The following RIMKLA variants were observed in gnomAD, a reference collection of about 807,000 sequenced individuals.
The protein encoded by RIMKLA is ribosomal modification protein rimK like family member A, also known as N-acetylaspartylglutamate synthase A.
A neutral mutation model predicts 32.7 loss-of-function variants in RIMKLA; 14 were observed. The ratio of observed to expected loss-of-function variants is 0.43; its 90% CI spans 0.28 to 0.67. The LOEUF (loss-of-function observed/expected upper bound fraction) is 0.67, where lower values mean the gene tolerates loss of function less well. Among genes scored for constraint, RIMKLA ranks in the 30% least tolerant of loss-of-function variants. The probability of loss-of-function intolerance (pLI) is 0.18; values close to 1 mark genes in which losing one functional copy is unlikely to be tolerated. For synonymous variants in RIMKLA, 176 were observed against 204.1 expected (o/e 0.86, Z 1.18); for missense variants, 410 against 519.0 (o/e 0.79, Z 2.04).
At chr1:42,413,528 A>G (rs1643219698) in intron 4 of RIMKLA, among the ~76,000 whole-genome samples, 1 of 151,336 alleles carries the variant, frequency 6.6e-6, no homozygotes, top group Non-Finnish European at 1.5e-5. Flanking sequence ...AAAAAAAGAA[A>G]GAAAAAAGAA....
chr1:42,401,806 T>C (rs1246111468), intron 2 of RIMKLA, among the ~76,000 whole-genome samples: 2 of 152,188 alleles, frequency 1.3e-5, no homozygotes, highest in Non-Finnish European at 2.9e-5. Context: ...GAATAGGGAC[T>C]CTTATTTGCT....
intron 4 of RIMKLA, among the ~76,000 whole-genome samples, chr1:42,413,228 G>C (rs914539193): frequency 6.6e-6 from 1 of 151,874 alleles, no homozygotes; most frequent in South Asian, 2.1e-4. Context: ...ATGGCCGGGC[G>C]CAGTGGCTCA....
At chr1:42,402,871 C>T (rs1174273857) in intron 2 of RIMKLA, among the ~76,000 whole-genome samples, 1 of 152,152 alleles carries the variant, frequency 6.6e-6, no homozygotes, top group Non-Finnish European at 1.5e-5. Context: ...GGATTCCAGG[C>T]ATGAGCCACC....
At chr1:42,395,495 G>C (rs1240245529) in intron 1 of RIMKLA, among the ~76,000 whole-genome samples, 1 of 151,880 alleles carries the variant, frequency 6.6e-6, no homozygotes, top group Non-Finnish European at 1.5e-5. Context: ...ATACCCAAGA[G>C]CACTAGGGTA....
rs1024289764 is a variant in RIMKLA at position 42,404,651 on chromosome 1, C to T, written c.481+54C>T. 5 of 1,154,050 alleles carry T rather than the reference C, an allele frequency of 4.3e-6. No homozygotes were observed. The African/African-American group carries it at 4.5e-5, about 10-fold the overall frequency. The allele number at this position is 1,154,050 out of a possible 1,614,324, so 71.5% of individuals were successfully genotyped here. Reference sequence around the variant, plus strand: ...GGTAATCAGCCCACTAGGGCTGCTGCTCTGCCTGGACAAGACACTCCTCAA... The same window carrying T: ...GGTAATCAGCCCACTAGGGCTGCTGTTCTGCCTGGACAAGACACTCCTCAA... On this transcript the variant is annotated intron_variant, in intron 3 of 4. Coordinates refer to ENST00000431473, the MANE Select transcript of RIMKLA (RefSeq NM_173642.4).
At chr1:42,394,759 G>A (rs184153851) in intron 1 of RIMKLA, among the ~76,000 whole-genome samples, 24 of 150,032 alleles carry the variant, frequency 1.6e-4, no homozygotes, top group African/African-American at 5.2e-4. Flanking sequence ...TTTTTGAGAC[G>A]GAGTTTCGCT....
chr1:42,381,004 C>A lies in RIMKLA; in HGVS notation c.70C>A (p.Arg24Ser), dbSNP rs1642881997. ...GGACTACCCGCAGGTGCAGATCCTGCGCGCCCTCCGGCAGCGCTGCTCCGA... is the reference window on the plus strand; with the variant it reads ...GGACTACCCGCAGGTGCAGATCCTGAGCGCCCTCCGGCAGCGCTGCTCCGA... ...REDYPQVQIL[R>S]ALRQRCSEQD... Residue 24 changes from arginine to serine, a missense_variant, in exon 1 of 5, where the codon CGC becomes AGC. Physicochemically the swap from Arg to Ser is moderately radical, Grantham distance 110. Coordinates refer to ENST00000431473, the MANE Select transcript of RIMKLA (RefSeq NM_173642.4). 2 of 1,437,734 alleles carry A rather than the reference C, an allele frequency of 1.4e-6. No homozygotes were observed. The highest frequency in any genetic ancestry group is 1.8e-6 in the Non-Finnish European group (2 of 1,094,744). The allele number at this position is 1,437,734 out of a possible 1,614,324, so 89.1% of individuals were successfully genotyped here. A position where few individuals can be genotyped will look rare whatever the true frequency, so the allele number is the denominator to read the frequency against.
chr1:42,397,547 A>T (rs140798496), intron 1 of RIMKLA, among the ~76,000 whole-genome samples: 1 of 152,210 alleles, frequency 6.6e-6, no homozygotes, highest in East Asian at 1.9e-4. Context: ...ACATAGCAAG[A>T]CTACATCTCC....
rs529119974 is a variant in RIMKLA, at chr1:42,403,180, T to C, written c.395-1331T>C. 5.2e-5 allele frequency among the ~76,000 whole-genome samples: 7 copies of C among 134,208 alleles called. No homozygotes were observed. The East Asian group carries it at 8.0e-4, about 15-fold the overall frequency. 88.0% of individuals were successfully genotyped at this position (134,208 alleles called of 152,430 possible). ...TGAATGGGAAAGCCCTCCAGACTTA[T>C]CTGGAACTTAGTTTCCCCTGTGCTA... is the stretch of plus-strand genomic sequence containing the variant. On this transcript the variant is annotated intron_variant, in intron 2 of 4. Transcript: ENST00000431473.
chr1:42,385,715 TTC>T (rs1319070528), intron 1 of RIMKLA, among the ~76,000 whole-genome samples: 6 of 141,392 alleles, frequency 4.2e-5, no homozygotes, highest in Admixed American at 3.6e-4. Flanking sequence ...TTTTCTTTCC[TTC>T]TCTTTCTTTC....
At chr1:42,414,401 T>C in intron 4 of RIMKLA, 83 bp from the exon 5 acceptor site, 15 of 1,435,870 alleles carry the variant, frequency 1.0e-5, no homozygotes, top group Non-Finnish European at 1.4e-5. Flanking sequence ...TTTCTGCCCC[T>C]CCTGGGCAGA....
Position 42,417,358 on chromosome 1 carries a change from A to G in RIMKLA, c.*2384A>G, listed in dbSNP as rs149461146. On this transcript the variant is annotated 3_prime_UTR_variant, in exon 5 of 5. Coordinates refer to ENST00000431473, the MANE Select transcript of RIMKLA (RefSeq NM_173642.4). ...AACCAGCCCCAATCCAGGATTTCCC[A>G]TACCATGCTGGCTGTGGGCTCTGTG... The G allele has an allele frequency of 6.6e-6, 1 of 152,376 alleles. No homozygotes were observed. Among genetic ancestry groups the G allele is most frequent in the Non-Finnish European group, 1.5e-5 (1 of 68,078 alleles). The allele number at this position is 152,376 out of a possible 1,614,324, so 9.4% of individuals were successfully genotyped here. A position where few individuals can be genotyped will look rare whatever the true frequency, so the allele number is the denominator to read the frequency against.
Position 42,381,045 on chromosome 1 carries a change from C to A in RIMKLA, c.111C>A (p.Phe37Leu). Reference sequence around the variant, plus strand: ...GCTGCTCCGAGCAGGACGTGCGCTTCCGGGCGGTGCTTATGGACCAGATCG... The same window carrying A: ...GCTGCTCCGAGCAGGACGTGCGCTTACGGGCGGTGCTTATGGACCAGATCG... ...RQRCSEQDVR[F>L]RAVLMDQIAV... Residue 37 changes from phenylalanine (F) to leucine (L), a missense_variant, in exon 1 of 5, where the codon TTC becomes TTA. Phe to Leu is a conservative substitution (Grantham distance 22, BLOSUM62 0). Transcript: ENST00000431473. 1 of 1,332,322 alleles carries A rather than the reference C, an allele frequency of 7.5e-7. No homozygotes were observed. Among genetic ancestry groups the A allele is most frequent in the Non-Finnish European group, 9.6e-7 (1 of 1,038,682 alleles). 82.5% of individuals were successfully genotyped at this position (1,332,322 alleles called of 1,614,324 possible).
In RIMKLA at chr1:42,381,027, C is replaced by T. The variant is rs753165000; in HGVS notation, c.93C>T (p.Ser31=). 7.3e-6 allele frequency: 10 copies of T among 1,378,840 alleles called. No individual in the cohort carries two copies. Among genetic ancestry groups the T allele is most frequent in the Non-Finnish European group, 9.4e-6 (10 of 1,066,550 alleles). The allele number at this position is 1,378,840 out of a possible 1,614,324, so 85.4% of individuals were successfully genotyped here. ...TGCGCGCCCTCCGGCAGCGCTGCTCCGAGCAGGACGTGCGCTTCCGGGCGG... is the reference window on the plus strand; with the variant it reads ...TGCGCGCCCTCCGGCAGCGCTGCTCTGAGCAGGACGTGCGCTTCCGGGCGG... ...QILRALRQRC[S]EQDVRFRAVL... Residue 31 remains serine (S), a synonymous_variant, in exon 1 of 5, where the codon TCC becomes TCT. Transcript: ENST00000431473.
intron 1 of RIMKLA, among the ~76,000 whole-genome samples, chr1:42,394,044 C>T (rs566806164): frequency 7.1e-4 from 108 of 152,334 alleles, no homozygotes; most frequent in African/African-American, 2.4e-3. Context: ...CTCGGCCTTC[C>T]GAAGTGCTGG....
chr1:42,385,286 G>A (rs1642926439), intron 1 of RIMKLA, among the ~76,000 whole-genome samples: 1 of 152,146 alleles, frequency 6.6e-6, no homozygotes, highest in African/African-American at 2.4e-5. Context: ...GTGTAAATGA[G>A]GACAGATTCA....
Position 42,385,775 on chromosome 1 carries a change from CTTTG to C in RIMKLA, c.163+4690_163+4693del, listed in dbSNP as rs1280215808. 1.5e-3 allele frequency among the ~76,000 whole-genome samples: 83 copies of C among 55,344 alleles called. 2 individuals carry two copies. The highest frequency in any genetic ancestry group is 1.5e-3 in the African/African-American group (16 of 10,928). The allele number at this position is 55,344 out of a possible 152,430, so 36.3% of individuals were successfully genotyped here. A position where few individuals can be genotyped will look rare whatever the true frequency, so the allele number is the denominator to read the frequency against. ...TCTTTCTTTCTTTCTTTCTTTGTTT[CTTTG>C]TTTGTTTGTTTCTTTCTTTCTCTCT... On this transcript the variant is annotated intron_variant, in intron 1 of 4. Coordinates refer to ENST00000431473, the MANE Select transcript of RIMKLA (RefSeq NM_173642.4).
chr1:42,382,611 A>T (rs1207239983), intron 1 of RIMKLA, among the ~76,000 whole-genome samples: 1 of 152,244 alleles, frequency 6.6e-6, no homozygotes, highest in Non-Finnish European at 1.5e-5. Flanking sequence ...GTTTGTAAAG[A>T]TGTCTCTTTT....
chr1:42,390,000 T>A (rs903296205), intron 1 of RIMKLA, among the ~76,000 whole-genome samples: 1 of 151,138 alleles, frequency 6.6e-6, no homozygotes, highest in Non-Finnish European at 1.5e-5. Flanking sequence ...CCAAAGGCTA[T>A]CAGGATTGAG....
Sources: gnomAD v4.1 joint callset for allele counts (sites outside exome capture counted in the v4.1 genomes callset) on GRCh38, gnomAD v4.1.1 for gene constraint, MANE v1.5 for transcripts, NCBI Gene and HGNC (gene_info 2026-07-23, HGNC 2026-07-21) for gene names.